The following ZNF277 variants were observed in gnomAD, a reference collection of about 807,000 sequenced individuals.
The protein encoded by ZNF277 is nuclear receptor-interacting factor 4.
Under a neutral mutation model 60.7 loss-of-function variants are expected in ZNF277, and 55 were observed. The ratio of observed to expected loss-of-function variants is 0.91; its 90% CI spans 0.73 to 1.13. ZNF277 has a LOEUF of 1.13. Ranked by LOEUF, ZNF277 falls within the 50% of genes most tolerant of loss-of-function variation. The probability of loss-of-function intolerance (pLI) is 0.00; values close to 1 mark genes in which losing one functional copy is unlikely to be tolerated. For synonymous variants in ZNF277, 178 were observed against 179.3 expected, an observed-to-expected ratio of 0.99 and a Z score of 0.06; for missense variants, 510 against 523.0, an observed-to-expected ratio of 0.98 and a Z score of 0.24.
At chr7:112,318,447 A>G (rs1315375787) in intron 5 of ZNF277, among the ~76,000 whole-genome samples, 174 bp downstream of exon 5, 1 of 152,050 alleles carries the variant, frequency 6.6e-6, no homozygotes, top group Non-Finnish European at 1.5e-5. Flanking sequence ...TAGGTGCTCT[A>G]AGCAGCAGAG....
At chr7:112,289,276 C>G (rs1371219582) in intron 2 of ZNF277, among the ~76,000 whole-genome samples, 4 of 152,172 alleles carry the variant, frequency 2.6e-5, no homozygotes, top group African/African-American at 7.2e-5. Context: ...TAACTATTCT[C>G]TAGCCTTCAT....
At chr7:112,271,354 G>A (rs1302180241) in intron 1 of ZNF277, among the ~76,000 whole-genome samples, 1 of 152,054 alleles carries the variant, frequency 6.6e-6, no homozygotes, top group African/African-American at 2.4e-5. Context: ...CTTCCTCTTT[G>A]AAGTCAAGTG....
intron 1 of ZNF277, among the ~76,000 whole-genome samples, chr7:112,227,323 GTTTAA>G (rs1822201558): frequency 6.6e-6 from 1 of 152,134 alleles, no homozygotes; most frequent in Non-Finnish European, 1.5e-5. Context: ...AAATTTAACA[GTTTAA>G]TTTAGCAAAG....
intron 8 of ZNF277, 126 bp downstream of exon 8, chr7:112,336,297 C>T (rs1187352024): frequency 5.5e-6 from 4 of 727,822 alleles, no homozygotes; most frequent in Non-Finnish European, 8.3e-6. Context: ...AGCCATGCAT[C>T]CCTTCATGTA....
intron 4 of ZNF277, among the ~76,000 whole-genome samples, chr7:112,309,977 T>C (rs769720333): frequency 1.3e-5 from 2 of 152,082 alleles, no homozygotes; most frequent in Non-Finnish European, 2.9e-5. Flanking sequence ...TAAGGATGCA[T>C]TGTTCTCCTG....
chr7:112,336,275 A>T, intron 8 of ZNF277, 104 bp downstream of exon 8: 1 of 1,040,630 alleles, frequency 9.6e-7, no homozygotes, highest in Non-Finnish European at 1.4e-6. Context: ...GAAGAAAAAA[A>T]TACCTTCTCT....
intron 1 of ZNF277, among the ~76,000 whole-genome samples, chr7:112,218,340 C>T (rs1821940490): frequency 1.3e-5 from 2 of 151,956 alleles, no homozygotes; most frequent in Admixed American, 1.3e-4. Flanking sequence ...TTTTTTGTTT[C>T]GTATTTTAGA....
chr7:112,266,809 A>G (rs1260441749), intron 1 of ZNF277, among the ~76,000 whole-genome samples: 5 of 152,280 alleles, frequency 3.3e-5, no homozygotes, highest in Middle Eastern at 3.4e-3. Flanking sequence ...TCCCTGGGCT[A>G]TTTATAGTTC....
rs557129224 is a variant in ZNF277 at position 112,316,884 on chromosome 7, G to A, written c.466-1298G>A. ...TTACTGCAACACTATTCACAACAGC[G>A]AAGACTTGGAACCAACCCAAATGCC... On this transcript the variant is annotated intron_variant, in intron 4 of 11. Transcript: ENST00000361822. 3.9e-5 allele frequency among the ~76,000 whole-genome samples: 6 copies of A among 152,010 alleles called. No individual in the cohort carries two copies. In the South Asian group the frequency reaches 6.2e-4, roughly 16 times the overall value.
At chr7:112,305,012 A>G (rs138415688) in intron 4 of ZNF277, among the ~76,000 whole-genome samples, 1 of 152,230 alleles carries the variant, frequency 6.6e-6, no homozygotes, top group East Asian at 1.9e-4. Flanking sequence ...TACACTGGCT[A>G]TGTCTGTGTT....
At chr7:112,328,714 T>A (rs1793158027) in intron 6 of ZNF277, among the ~76,000 whole-genome samples, 1 of 151,872 alleles carries the variant, frequency 6.6e-6, no homozygotes, top group Non-Finnish European at 1.5e-5. Context: ...CTACTAAAAA[T>A]ACAAAATTAG....
At chr7:112,231,521 TC>T (rs1285960164) in intron 1 of ZNF277, among the ~76,000 whole-genome samples, 1 of 152,202 alleles carries the variant, frequency 6.6e-6, no homozygotes, top group Non-Finnish European at 1.5e-5. Flanking sequence ...AGCTCCATTA[TC>T]TCTGAAGTCT....
chr7:112,242,988 A>G (rs1408744743), intron 1 of ZNF277, among the ~76,000 whole-genome samples: 1 of 151,984 alleles, frequency 6.6e-6, no homozygotes, highest in Non-Finnish European at 1.5e-5. Flanking sequence ...ATAGATCAAT[A>G]GAACAGAATA....
At chr7:112,262,116 C>T (rs1791450921) in intron 1 of ZNF277, among the ~76,000 whole-genome samples, 1 of 151,934 alleles carries the variant, frequency 6.6e-6, no homozygotes, top group Non-Finnish European at 1.5e-5. Flanking sequence ...CTTTTCACTA[C>T]TCTCAGCCAG....
chr7:112,213,361 A>C (rs1821804005), intron 1 of ZNF277, among the ~76,000 whole-genome samples: 1 of 152,084 alleles, frequency 6.6e-6, no homozygotes. Context: ...ATGGACTAAT[A>C]CATTTTGTAT....
intron 1 of ZNF277, among the ~76,000 whole-genome samples, chr7:112,261,263 T>C (rs1373716488): frequency 6.6e-6 from 1 of 152,254 alleles, no homozygotes; most frequent in African/African-American, 2.4e-5. Flanking sequence ...AAATGAAGTT[T>C]CAGTAGTAAA....
At position 112,313,282 on chromosome 7, in the gene ZNF277, A is replaced by AT. The variant is rs58333831; in HGVS notation, c.466-4885dup. Among the ~76,000 whole-genome samples, 446 of 145,772 alleles carry AT rather than the reference A, an allele frequency of 3.1e-3. 3 individuals are homozygous for AT. Among genetic ancestry groups the AT allele is most frequent in the Middle Eastern group, 7.1e-3 (2 of 282 alleles). On this transcript the variant is annotated intron_variant, in intron 4 of 11. Transcript: ENST00000361822. ...GTGCCCTTAAAAAGTATGTTTTAAA[A>AT]TTTTTTTTTTTTTTTCAGACTGGGC...
At chr7:112,332,606 C>CT (rs1384057808) in intron 7 of ZNF277, among the ~76,000 whole-genome samples, 1 of 152,166 alleles carries the variant, frequency 6.6e-6, no homozygotes, top group Non-Finnish European at 1.5e-5. Flanking sequence ...TTAATCAGCA[C>CT]TTTAAGGCTC....
intron 4 of ZNF277, among the ~76,000 whole-genome samples, chr7:112,315,329 A>G (rs1792820397): frequency 6.6e-6 from 1 of 152,104 alleles, no homozygotes; most frequent in South Asian, 2.1e-4. Context: ...GGTTAAAAGG[A>G]AGAACGGAAG....
Sources: gnomAD v4.1 joint callset for allele counts (sites outside exome capture counted in the v4.1 genomes callset) on GRCh38, gnomAD v4.1.1 for gene constraint, MANE v1.5 for transcripts, NCBI Gene and HGNC (gene_info 2026-07-23, HGNC 2026-07-21) for gene names.